DLEU7: variants seen among roughly 807,000 people sequenced by gnomAD.
DLEU7 encodes deleted in lymphocytic leukemia 7, also known as leukemia-associated protein 7.
Under a neutral mutation model 16.0 loss-of-function variants are expected in DLEU7, and 17 were observed. The ratio of observed to expected loss-of-function variants is 1.06; its 90% CI spans 0.73 to 1.59. The LOEUF (loss-of-function observed/expected upper bound fraction) is 1.59. Among genes scored for constraint, DLEU7 ranks in the 40% most tolerant of loss-of-function variants. The pLI, the probability that DLEU7 is intolerant of heterozygous loss-of-function variation, is 0.00. For missense variants in DLEU7, 308 were observed against 314.9 expected (o/e 0.98, Z 0.17); for synonymous variants, 113 against 139.8 (o/e 0.81, Z 1.35).
intron 1 of DLEU7, among the ~76,000 whole-genome samples, chr13:50,745,397 G>T (rs1229595221): frequency 1.3e-5 from 2 of 152,136 alleles, no homozygotes; most frequent in Admixed American, 1.3e-4. Context: ...TGGTTATCAG[G>T]GGCTGGGAGG....
chr13:50,817,586 C>T (rs545374706), intron 1 of DLEU7, among the ~76,000 whole-genome samples: 7 of 152,096 alleles, frequency 4.6e-5, no homozygotes, highest in Non-Finnish European at 8.8e-5. Flanking sequence ...GTACTCCTCT[C>T]AGATAGATTT....
Position 50,823,509 on chromosome 13 carries a change from C to G in DLEU7, c.471G>C (p.Glu157Asp). 6.5e-7 allele frequency: 1 copy of G among 1,535,798 alleles called. No individual in the cohort carries two copies. Among genetic ancestry groups the G allele is most frequent in the South Asian group, 1.2e-5 (1 of 84,058 alleles). Residue 157 changes from glutamate (E) to aspartate (D), a missense_variant, in exon 2 of 2, where the codon GAG becomes GAC. By Grantham distance (45) the Glu-to-Asp change is conservative (BLOSUM62 2). Transcript: ENST00000504404. ...CCAAATGACTGCAGATGTTTCTAAACTCAACACTATCCTGAAATGAACAAC... is the reference window on the plus strand; with the variant it reads ...CCAAATGACTGCAGATGTTTCTAAAGTCAACACTATCCTGAAATGAACAAC... ...SFPIHLKDSV[E>D]FRNICSHLAL...
chr13:50,767,779 A>T (rs1366861569), intron 1 of DLEU7, among the ~76,000 whole-genome samples: 1 of 152,132 alleles, frequency 6.6e-6, no homozygotes, highest in Non-Finnish European at 1.5e-5. Flanking sequence ...TACACACAGA[A>T]AGCTCCAGGA....
intron 1 of DLEU7, among the ~76,000 whole-genome samples, chr13:50,754,147 G>A (rs1353152353): frequency 6.6e-6 from 1 of 152,100 alleles, no homozygotes; most frequent in Non-Finnish European, 1.5e-5. Flanking sequence ...ATGTGTATTT[G>A]CGATTATTGG....
intron 1 of DLEU7, among the ~76,000 whole-genome samples, chr13:50,731,197 C>T (rs1257648626): frequency 6.6e-6 from 1 of 152,150 alleles, no homozygotes; most frequent in Non-Finnish European, 1.5e-5. Flanking sequence ...GTATTTAAAC[C>T]CCAGAAAATT....
intron 1 of DLEU7, among the ~76,000 whole-genome samples, chr13:50,775,210 G>A (rs1875458880): frequency 6.6e-6 from 1 of 151,614 alleles, no homozygotes; most frequent in East Asian, 1.9e-4. Flanking sequence ...ATGGAGACTG[G>A]ATTCTGTTAT....
intron 1 of DLEU7, among the ~76,000 whole-genome samples, chr13:50,769,468 G>A (rs1875228476): frequency 6.6e-6 from 1 of 152,110 alleles, no homozygotes; most frequent in Non-Finnish European, 1.5e-5. Flanking sequence ...TATTGTATAA[G>A]GTATAAGGAA....
intron 1 of DLEU7, among the ~76,000 whole-genome samples, chr13:50,728,174 G>A (rs3118077): frequency 0.74 from 112,604 of 152,108 alleles, 43,023 homozygotes; most frequent in South Asian, 0.9. Context: ...TAGTCCTTAG[G>A]TTGTAAAGTA....
At chr13:50,753,599 T>C (rs116067812) in intron 1 of DLEU7, among the ~76,000 whole-genome samples, 71,592 of 151,572 alleles carry the variant, frequency 0.47, 17,888 homozygotes, top group African/African-American at 0.63. Flanking sequence ...CCAGCTGCTC[T>C]GAGTGGAGTC....
chr13:50,837,742 T>C (rs1320367385), intron 1 of DLEU7, among the ~76,000 whole-genome samples: 1 of 152,128 alleles, frequency 6.6e-6, no homozygotes, highest in Non-Finnish European at 1.5e-5. Context: ...TTTTCGCCAA[T>C]AGGAAAAAGA....
intron 1 of DLEU7, among the ~76,000 whole-genome samples, chr13:50,724,951 T>G (rs1873727206): frequency 1.3e-5 from 2 of 152,206 alleles, no homozygotes; most frequent in Non-Finnish European, 2.9e-5. Flanking sequence ...TATTTATATG[T>G]TCCCACAACA....
intron 1 of DLEU7, among the ~76,000 whole-genome samples, chr13:50,716,090 T>C (rs1358557457): frequency 6.6e-6 from 1 of 152,252 alleles, no homozygotes; most frequent in African/African-American, 2.4e-5. Context: ...GCATAAATGT[T>C]AGATCAACCT....
intron 1 of DLEU7, among the ~76,000 whole-genome samples, chr13:50,721,373 T>C (rs1873606807): frequency 6.6e-6 from 1 of 152,200 alleles, no homozygotes; most frequent in Non-Finnish European, 1.5e-5. Flanking sequence ...GGATTTCACC[T>C]TGTGATCGTG....
intron 1 of DLEU7, among the ~76,000 whole-genome samples, chr13:50,826,644 A>G (rs939321666): frequency 6.6e-6 from 1 of 152,194 alleles, no homozygotes; most frequent in African/African-American, 2.4e-5. Flanking sequence ...AAAGAGAACA[A>G]TGGATTAGAA....
At chr13:50,729,810 T>A (rs1249376837) in intron 1 of DLEU7, among the ~76,000 whole-genome samples, 1 of 152,222 alleles carries the variant, frequency 6.6e-6, no homozygotes, top group Non-Finnish European at 1.5e-5. Flanking sequence ...TTTTTTCATA[T>A]GCTTGTTGGC....
intron 1 of DLEU7, among the ~76,000 whole-genome samples, chr13:50,716,581 A>G (rs934563283): frequency 1.3e-5 from 2 of 152,368 alleles, no homozygotes; most frequent in East Asian, 1.9e-4. Context: ...CTCACTAACT[A>G]TATACACGTG....
chr13:50,720,030 A>C (rs964938635), intron 1 of DLEU7, among the ~76,000 whole-genome samples: 2 of 152,208 alleles, frequency 1.3e-5, no homozygotes, highest in Non-Finnish European at 2.9e-5. Flanking sequence ...GTTGAAAAAC[A>C]AGCAAATTAT....
intron 1 of DLEU7, among the ~76,000 whole-genome samples, chr13:50,787,102 G>T (rs1488044988): frequency 6.6e-6 from 1 of 152,060 alleles, no homozygotes; most frequent in Non-Finnish European, 1.5e-5. Flanking sequence ...TTCAAGTTTT[G>T]GATAATTTTT....
Position 50,743,295 on chromosome 13 carries a change from C to T in DLEU7, c.460-30055G>A, listed in dbSNP as rs530177181. Among the ~76,000 whole-genome samples the T allele has an allele frequency of 1.5e-4, 23 of 152,224 alleles. No individual in the cohort carries two copies. In the South Asian group the frequency reaches 4.6e-3, roughly 30 times the overall value. ...AGGCCTGTGGGACCAAGCAGGTTTG[C>T]TGACAGGGCATCTAAACAGAAGAGA... is the stretch of plus-strand genomic sequence containing the variant. On this transcript the variant is annotated intron_variant, in intron 1 of 1. Transcript: ENST00000400393.
Sources: gnomAD v4.1 joint callset for allele counts (sites outside exome capture counted in the v4.1 genomes callset) on GRCh38, gnomAD v4.1.1 for gene constraint, MANE v1.5 for transcripts, NCBI Gene and HGNC (gene_info 2026-07-23, HGNC 2026-07-21) for gene names.